L3MBTL3: variants seen among roughly 807,000 people sequenced by gnomAD.
L3MBTL3 encodes the protein lethal(3)malignant brain tumor-like protein 3.
A neutral mutation model predicts 102.3 loss-of-function variants in L3MBTL3; 27 were observed. The observed-to-expected ratio is 0.26, with a 90% CI of 0.19 to 0.36. L3MBTL3 has a LOEUF of 0.36. Ranked by LOEUF, L3MBTL3 falls within the 10% of genes least tolerant of loss-of-function variation. The pLI, the probability that L3MBTL3 is intolerant of heterozygous loss-of-function variation, is 1.00. For synonymous variants in L3MBTL3, 340 were observed against 320.9 expected (o/e 1.06, Z -0.64); for missense variants, 798 against 955.3 (o/e 0.84, Z 2.17).
intron 19 of L3MBTL3, among the ~76,000 whole-genome samples, chr6:130,114,271 T>A (rs1183127829): frequency 6.6e-6 from 1 of 152,210 alleles, no homozygotes; most frequent in Non-Finnish European, 1.5e-5. Flanking sequence ...AGGGATAAGA[T>A]GACTGTGTTA....
intron 2 of L3MBTL3, among the ~76,000 whole-genome samples, chr6:130,031,859 T>C (rs1468456199): frequency 6.6e-6 from 1 of 152,004 alleles, no homozygotes; most frequent in African/African-American, 2.4e-5. Flanking sequence ...ATAGTAATAG[T>C]AATACTAATT....
intron 2 of L3MBTL3, among the ~76,000 whole-genome samples, chr6:130,039,629 A>G (rs1780291596): frequency 6.6e-6 from 1 of 151,694 alleles, no homozygotes; most frequent in South Asian, 2.1e-4. Flanking sequence ...TATATTAGAA[A>G]TAGTTTAAAC....
At chr6:130,049,444 T>G in intron 4 of L3MBTL3, 51 bp downstream of exon 4, 1 of 1,193,438 alleles carries the variant, frequency 8.4e-7, no homozygotes, top group Non-Finnish European at 1.2e-6. Flanking sequence ...AGATTTGAAA[T>G]AAGAATATCT....
intron 2 of L3MBTL3, among the ~76,000 whole-genome samples, chr6:130,034,604 C>T (rs1396484309): frequency 6.6e-6 from 1 of 152,180 alleles, no homozygotes; most frequent in Non-Finnish European, 1.5e-5. Flanking sequence ...CCCCATATTC[C>T]CTTCATTCTG....
At chr6:130,059,275 A>AAT (rs576304867) in intron 9 of L3MBTL3, among the ~76,000 whole-genome samples, 161 of 152,226 alleles carry the variant, frequency 1.1e-3, no homozygotes, top group African/African-American at 3.7e-3. Flanking sequence ...TCATATAAGC[A>AAT]ATATATATAT....
chr6:130,132,095 A>G (rs897485863), intron 20 of L3MBTL3, among the ~76,000 whole-genome samples: 3 of 152,188 alleles, frequency 2.0e-5, no homozygotes, highest in African/African-American at 7.2e-5. Flanking sequence ...TTGTAATAGC[A>G]CCAAATTAAA....
chr6:130,082,231 T>G (rs545135066), intron 14 of L3MBTL3, among the ~76,000 whole-genome samples: 29 of 152,354 alleles, frequency 1.9e-4, no homozygotes, highest in African/African-American at 7.0e-4. Flanking sequence ...TCTGGAGAGA[T>G]ACTTTGAGAC....
At chr6:130,058,565 AG>A (rs1690580461) in intron 9 of L3MBTL3, among the ~76,000 whole-genome samples, 1 of 152,224 alleles carries the variant, frequency 6.6e-6, no homozygotes, top group African/African-American at 2.4e-5. Flanking sequence ...CCGGGACAAC[AG>A]AGCAAGACCC....
At chr6:130,129,250 A>T (rs1889626) in intron 20 of L3MBTL3, among the ~76,000 whole-genome samples, 66,409 of 152,016 alleles carry the variant, frequency 0.44, 16,539 homozygotes, top group East Asian at 0.75. Context: ...TCTTTCTCAT[A>T]CATATGTATA....
chr6:130,078,214 A>T (rs1346866962), intron 13 of L3MBTL3, among the ~76,000 whole-genome samples: 1 of 152,178 alleles, frequency 6.6e-6, no homozygotes, highest in Non-Finnish European at 1.5e-5. Flanking sequence ...ATGTACACAC[A>T]GTCTAAGTTT....
At position 130,022,686 on chromosome 6, in the gene L3MBTL3, A is replaced by G. The variant is rs560565323; in HGVS notation, c.-16+381A>G. On this transcript the variant is annotated intron_variant, in intron 2 of 22. Transcript: ENST00000361794. ...GTGATATGGAAGATTCTGGAACTCT[A>G]AATGTCTTGGGGGGCCAGTGGTAAA... Among the ~76,000 whole-genome samples, 37 of 152,346 alleles carry G rather than the reference A, an allele frequency of 2.4e-4. No individual in the cohort carries two copies. The South Asian group carries it at 7.7e-3, about 32-fold the overall frequency.
intron 14 of L3MBTL3, among the ~76,000 whole-genome samples, chr6:130,081,031 T>C (rs1030921870): frequency 1.3e-5 from 2 of 152,262 alleles, no homozygotes; most frequent in Admixed American, 6.5e-5. Context: ...CTTCACAGAT[T>C]TCTGCATCCA....
At chr6:130,135,880 C>T (rs1444961991) in intron 22 of L3MBTL3, among the ~76,000 whole-genome samples, 1 of 152,170 alleles carries the variant, frequency 6.6e-6, no homozygotes, top group Non-Finnish European at 1.5e-5. Context: ...CTCACAAGGT[C>T]AGTGGGTTTG....
At chr6:130,055,976 G>C (rs544947231) in intron 8 of L3MBTL3, among the ~76,000 whole-genome samples, 5 of 144,188 alleles carry the variant, frequency 3.5e-5, no homozygotes, top group Non-Finnish European at 6.0e-5. Flanking sequence ...CACCCAGGCT[G>C]AAGTATGGTG....
At chr6:130,030,502 C>T (rs1779645974) in intron 2 of L3MBTL3, among the ~76,000 whole-genome samples, 1 of 151,144 alleles carries the variant, frequency 6.6e-6, no homozygotes, top group Non-Finnish European at 1.5e-5. Flanking sequence ...CTCTACTGAA[C>T]AAAATACAAA....
intron 2 of L3MBTL3, among the ~76,000 whole-genome samples, chr6:130,024,612 T>A (rs1005502482): frequency 3.3e-5 from 5 of 152,190 alleles, no homozygotes; most frequent in African/African-American, 1.2e-4. Context: ...ATGGGGAATT[T>A]ATGAGAGAAC....
chr6:130,077,394 G>GT (rs1001371442), intron 13 of L3MBTL3, among the ~76,000 whole-genome samples: 2 of 151,872 alleles, frequency 1.3e-5, no homozygotes, highest in African/African-American at 2.4e-5. Flanking sequence ...GCAGTGCTTG[G>GT]TTTTTTTTCA....
chr6:130,020,189 C>T (rs530192638), intron 1 of L3MBTL3, among the ~76,000 whole-genome samples: 2 of 150,864 alleles, frequency 1.3e-5, no homozygotes, highest in South Asian at 4.2e-4. Flanking sequence ...GGGCTTTGCA[C>T]ACTCGCGTCC....
At chr6:130,051,499 T>C in intron 6 of L3MBTL3, 91 bp downstream of exon 6, 3 of 1,170,326 alleles carry the variant, frequency 2.6e-6, no homozygotes, top group Non-Finnish European at 3.7e-6. Context: ...CTCTCGGACA[T>C]TGATCACCTA....
Sources: gnomAD v4.1 joint callset for allele counts (sites outside exome capture counted in the v4.1 genomes callset) on GRCh38, gnomAD v4.1.1 for gene constraint, MANE v1.5 for transcripts, NCBI Gene and HGNC (gene_info 2026-07-23, HGNC 2026-07-21) for gene names.